The following HYOU1 variants were observed in gnomAD, a reference collection of about 807,000 sequenced individuals.
HYOU1 encodes hypoxia up-regulated 1, also known as hypoxia up-regulated protein 1.
In HYOU1, 40 loss-of-function variants were observed where a neutral mutation model predicts 120.5. That is an observed-to-expected ratio of 0.33 (90% CI 0.26 to 0.43). The LOEUF is 0.43. Among genes scored for constraint, HYOU1 ranks in the 20% least tolerant of loss-of-function variants. The pLI is 1.00. For synonymous variants in HYOU1, 501 were observed against 479.4 expected, an observed-to-expected ratio of 1.05 and a Z score of -0.59; for missense variants, 1,085 against 1,278.3, an observed-to-expected ratio of 0.85 and a Z score of 2.31.
In HYOU1 at chr11:119,054,127, C is replaced by A; in HGVS notation, c.788G>T (p.Gly263Val). 6.2e-7 allele frequency: 1 copy of A among 1,608,956 alleles called. No homozygotes were observed. Among genetic ancestry groups the A allele is most frequent in the South Asian group, 1.1e-5 (1 of 90,942 alleles). The change falls in exon 8 of 26, where the codon GGA becomes GTA. Residue 263 changes from glycine (G) to valine (V), a missense_variant. By Grantham distance (109) the Gly-to-Val change is moderately radical. Transcript: ENST00000617285. ...AGMQPQLQIR[G>V]VGFDRTLGGL... ...CTGCCAAGTATCCACTTACCCTACT[C>A]CCCGGATCTGCAGCTGTGGCTGCAT...
chr11:119,049,353 T>C (rs2133572311), intron 16 of HYOU1, 150 bp from the exon 17 acceptor site: 620 of 1,553,682 alleles, frequency 4.0e-4, no homozygotes, highest in Middle Eastern at 1.0e-3. Context: ...GCAATCTAGC[T>C]GGACAAAGGA....
In HYOU1 at chr11:119,052,307, G is replaced by C; in HGVS notation, c.1110C>G (p.Ala370=). The C allele has an allele frequency of 6.2e-7, 1 of 1,614,128 alleles. No individual in the cohort carries two copies. Among genetic ancestry groups the C allele is most frequent in the Non-Finnish European group, 8.5e-7 (1 of 1,180,020 alleles). ...PGPVQQALQS[A]EMSLDEIEQV... ...CCTACTCGCTCACCAGACTCATTTC[G>C]GCACTCTGGAGGGCCTGCTGTACAG... Residue 370 remains alanine (A), a synonymous_variant, in exon 10 of 26, where the codon GCC becomes GCG. Coordinates refer to ENST00000617285, the MANE Select transcript of HYOU1 (RefSeq NM_006389.5). The surrounding 1 kb of genome is among the most constrained non-coding windows in gnomAD (Gnocchi z 5.0).
At position 119,046,609 on chromosome 11, in the gene HYOU1, A is replaced by C. The variant is rs2133551508; in HGVS notation, c.2789T>G (p.Leu930Arg). 2.5e-6 allele frequency: 4 copies of C among 1,614,046 alleles called. No individual in the cohort carries two copies. The Admixed American group carries it at 6.7e-5, about 27-fold the overall frequency. Residue 930 changes from leucine to arginine, a missense_variant, in exon 23 of 26, where the codon CTC (leucine) becomes CGC (arginine). Leu to Arg is a moderately radical substitution (Grantham distance 102). Coordinates refer to ENST00000617285, the MANE Select transcript of HYOU1 (RefSeq NM_006389.5). The stretch of plus-strand genomic sequence containing the variant: ...CCCCTGGTCACTGGCACTGGCATTG[A>C]GGGGTGGCTCTGCCCGGGTCCCATT... ...DKNGTRAEPP[L>R]NASASDQGEK...
intron 23 of HYOU1, 25 bp downstream of exon 23, chr11:119,046,537 A>G (rs2133550741): frequency 1.2e-6 from 2 of 1,613,904 alleles, no homozygotes; most frequent in Non-Finnish European, 8.5e-7. Context: ...CCAGCAGAAC[A>G]TGCAGCCAGG....
Position 119,055,282 on chromosome 11 carries a change from C to A in HYOU1, c.322G>T (p.Ala108Ser), listed in dbSNP as rs2133611810. Residue 108 changes from alanine to serine, a missense_variant, in exon 5 of 26, where the codon GCA (alanine) becomes TCA (serine). Physicochemically the swap from Ala to Ser is moderately conservative, Grantham distance 99. This residue lies in a region of HYOU1 where 515 missense variants were observed against 677.8 expected (regional missense o/e 0.76). Transcript: ENST00000617285. This position sits in a 1 kb window ranked among gnomAD's most constrained non-coding sequence, Gnocchi z 4.0. ...RYFQHLLGKQADNPHVALYQA... is the reference protein window; with the variant it reads ...RYFQHLLGKQSDNPHVALYQA... ...TAAAGAGCTACATGGGGGTTATCTG[C>A]CTGCTTCCCCAGGAGGTGCTGGAAG... The A allele has an allele frequency of 6.2e-7, 1 of 1,614,068 alleles. No individual in the cohort carries two copies. The highest frequency in any genetic ancestry group is 2.2e-5 in the East Asian group (1 of 44,884).
chr11:119,046,265 C>CTTTTTTTTTTTTT (rs11349624), intron 24 of HYOU1, 152 bp downstream of exon 24: 2 of 458,258 alleles, frequency 4.4e-6, no homozygotes, highest in Non-Finnish European at 7.4e-6. Flanking sequence ...CGTGCCTGGC[C>CTTTTTTTTTTTTT]TTTTTTTTTT....
intron 24 of HYOU1, 116 bp from the exon 25 acceptor site, chr11:119,045,947 C>T (rs1007800973): frequency 2.0e-6 from 2 of 1,002,260 alleles, no homozygotes; most frequent in African/African-American, 3.3e-5. Context: ...GCATGTACCA[C>T]ATTTGGTCTC....
At position 119,052,596 on chromosome 11, in the gene HYOU1, C is replaced by T. The variant is rs200085691; in HGVS notation, c.987+41G>A. 31 of 1,585,850 alleles carry T rather than the reference C, an allele frequency of 2.0e-5. No homozygotes were observed. The East Asian group carries it at 3.6e-4, about 18-fold the overall frequency. ...CAGTGGCAGGGTCCCCCACCCTCTA[C>T]GTGGGACAAAATATAGCCTCAACCA... On this transcript the variant is annotated intron_variant, in intron 9 of 25. Transcript: ENST00000617285. This position sits in a 1 kb window ranked among gnomAD's most constrained non-coding sequence, Gnocchi z 5.0.
chr11:119,056,437 G>A (rs1695509979), intron 1 of HYOU1: 1 of 536,718 alleles, frequency 1.9e-6, no homozygotes, highest in Non-Finnish European at 3.6e-6. Flanking sequence ...ACAAGAGAAA[G>A]GAGACCCGAG....
Position 119,048,859 on chromosome 11 carries a change from G to A in HYOU1, c.2020C>T (p.Pro674Ser). The A allele has an allele frequency of 6.2e-7, 1 of 1,610,226 alleles. No homozygotes were observed. Among genetic ancestry groups the A allele is most frequent in the Non-Finnish European group, 8.5e-7 (1 of 1,178,552 alleles). Residue 674 changes from proline to serine, a missense_variant, in exon 18 of 26, where the codon CCT becomes TCT. By Grantham distance (74) the Pro-to-Ser change is moderately conservative (BLOSUM62 -1). Transcript: ENST00000617285. The surrounding 1 kb of genome is among the most constrained non-coding windows in gnomAD (Gnocchi z 4.7). ...TCTGGGGCTGGAGCGACGCCCTCAG[G>A]CCCTGCCTCTGCCTTCTCACTTGGT... ...QKPSEKAEAG[P>S]EGVAPAPEGE... is the part of the protein sequence containing the mutation.
chr11:119,048,330 T>A lies in HYOU1; in HGVS notation c.2294A>T (p.Glu765Val), dbSNP rs2133562916. ...CCCAGAGATCTCCTCACGCTGCTCC[T>A]CTGTGGACACTTCCTGGTACTCGGG... ...YQPEYQEVST[E>V]EQREEISGKL... The change falls in exon 20 of 26, where the codon GAG (glutamate) becomes GTG (valine). Residue 765 changes from glutamate (E) to valine (V), a missense_variant. Physicochemically the swap from Glu to Val is moderately radical, Grantham distance 121 (BLOSUM62 -2). Coordinates refer to ENST00000617285, the MANE Select transcript of HYOU1 (RefSeq NM_006389.5). This position sits in a 1 kb window ranked among gnomAD's most constrained non-coding sequence, Gnocchi z 4.7. 1 of 1,610,382 alleles carries A rather than the reference T, an allele frequency of 6.2e-7. No individual in the cohort carries two copies. The highest frequency in any genetic ancestry group is 8.5e-7 in the Non-Finnish European group (1 of 1,179,948).
chr11:119,052,488 T>C lies in HYOU1; in HGVS notation c.988-59A>G, dbSNP rs2133593384. 9.9e-6 allele frequency: 16 copies of C among 1,610,390 alleles called. No homozygotes were observed. In the Admixed American group the frequency reaches 1.2e-4, roughly 12 times the overall value. ...GCCCAGCTCCCGCTCTCTTGGTGAG[T>C]AGGACAGAAACAAAAAGAATAGGTC... is the stretch of plus-strand genomic sequence containing the variant. On this transcript the variant is annotated intron_variant, in intron 9 of 25. Transcript: ENST00000617285. This position sits in a 1 kb window ranked among gnomAD's most constrained non-coding sequence, Gnocchi z 5.0.
chr11:119,055,189 T>C lies in HYOU1; in HGVS notation c.415A>G (p.Ser139Gly). ...PQRQTVHFQISSQLQFSPEEV... is the reference protein window; with the variant it reads ...PQRQTVHFQIGSQLQFSPEEV... ...CTTCCCCAACAGAGCACTCACGAGC[T>C]GATCTGAAAGTGCACAGTCTGCCTC... is the stretch of plus-strand genomic sequence containing the variant. Residue 139 changes from serine to glycine, a missense_variant, in exon 5 of 26, where the codon AGC becomes GGC. Physicochemically the swap from Ser to Gly is moderately conservative, Grantham distance 56. Coordinates refer to ENST00000617285, the MANE Select transcript of HYOU1 (RefSeq NM_006389.5). The surrounding 1 kb of genome is among the most constrained non-coding windows in gnomAD (Gnocchi z 4.0). 1 of 1,613,170 alleles carries C rather than the reference T, an allele frequency of 6.2e-7. No individual in the cohort carries two copies. Among genetic ancestry groups the C allele is most frequent in the South Asian group, 1.1e-5 (1 of 91,024 alleles).
At chr11:119,056,308 C>T in intron 1 of HYOU1, 141 bp from the exon 2 acceptor site, 1 of 711,168 alleles carries the variant, frequency 1.4e-6, no homozygotes, top group African/African-American at 1.7e-5. Context: ...TTCTCCCCTT[C>T]TCCCTCCTGA....
In HYOU1 at chr11:119,049,791, T is replaced by C; in HGVS notation, c.1712A>G (p.Glu571Gly). 1 of 1,614,094 alleles carries C rather than the reference T, an allele frequency of 6.2e-7. No individual in the cohort carries two copies. Among genetic ancestry groups the C allele is most frequent in the Admixed American group, 1.7e-5 (1 of 60,026 alleles). ...GCTCATCTTACTGGTGAGAGTAGATTCCTCTTCTGCGCTGTCCTCTACCAG... is the reference window on the plus strand; with the variant it reads ...GCTCATCTTACTGGTGAGAGTAGATCCCTCTTCTGCGCTGTCCTCTACCAG... The part of the protein sequence containing the change: ...ETLVEDSAEE[E>G]STLTKLGNTI... The change falls in exon 15 of 26, where the codon GAA (glutamate) becomes GGA (glycine). Residue 571 changes from glutamate to glycine, a missense_variant. This residue lies in a region of HYOU1 where 515 missense variants were observed against 677.8 expected (regional missense o/e 0.76). Transcript: ENST00000617285.
In HYOU1 at chr11:119,048,233, T is replaced by C. The variant is rs2133562039; in HGVS notation, c.2376+15A>G. 1 of 1,610,244 alleles carries C rather than the reference T, an allele frequency of 6.2e-7. No homozygotes were observed. Among genetic ancestry groups the C allele is most frequent in the Non-Finnish European group, 8.5e-7 (1 of 1,179,490 alleles). ...AGCTCCCACTCCACCTGCCATGTCC[T>C]GAGAGGCCCCTCACCACTGTGGTGG... On this transcript the variant is annotated intron_variant, in intron 20 of 25. Transcript: ENST00000617285. The surrounding 1 kb of genome is among the most constrained non-coding windows in gnomAD (Gnocchi z 4.7).
chr11:119,046,551 C>T lies in HYOU1; in HGVS notation c.2836+11G>A. ...TCCAGCAGAACATGCAGCCAGGTAC[C>T]CTGTTCTCACCTGCTGGAGGGATGA... On this transcript the variant is annotated intron_variant, in intron 23 of 25. Transcript: ENST00000617285. 4 of 1,613,758 alleles carry T rather than the reference C, an allele frequency of 2.5e-6. No homozygotes were observed. Among genetic ancestry groups the T allele is most frequent in the South Asian group, 1.1e-5 (1 of 91,072 alleles).
intron 6 of HYOU1, 81 bp from the exon 7 acceptor site, chr11:119,054,756 G>T: frequency 7.0e-7 from 1 of 1,423,574 alleles, no homozygotes; most frequent in Non-Finnish European, 9.6e-7. Context: ...ATGACATTTT[G>T]GACTAGGTAA....
Position 119,055,483 on chromosome 11 carries a change from G to T in HYOU1, c.264+10C>A, listed in dbSNP as rs2133613686. ...GCCCACCACTCTGGGAAGAGGGACT[G>T]CTAGCTCACCATGCTTGCTGCACTG... is the stretch of plus-strand genomic sequence containing the variant. On this transcript the variant is annotated intron_variant, in intron 4 of 25. Transcript: ENST00000617285. This position sits in a 1 kb window ranked among gnomAD's most constrained non-coding sequence, Gnocchi z 4.0. 6.8e-6 allele frequency: 11 copies of T among 1,613,338 alleles called. 1 individual carries two copies. In the Middle Eastern group the frequency reaches 1.8e-3, roughly 268 times the overall value.
Sources: allele counts gnomAD v4.1 joint callset, GRCh38; gene constraint gnomAD v4.1.1; regional missense constraint gnomAD v4.1.1; non-coding constraint Gnocchi (gnomAD v3.1); transcripts MANE v1.5; gene names NCBI Gene and HGNC (gene_info 2026-07-23, HGNC 2026-07-21).